The following USP6 variants were observed in gnomAD, a reference collection of about 807,000 sequenced individuals.
The protein encoded by USP6 is ubiquitin carboxyl-terminal hydrolase 6.
USP6 carries 128 observed loss-of-function variants against 175.7 expected under a neutral mutation model. The ratio of observed to expected loss-of-function variants is 0.73; its 90% CI spans 0.63 to 0.84. USP6 has a LOEUF of 0.84. USP6 is among the 40% of genes least tolerant of loss of function. The pLI is 0.00. For missense variants in USP6, 1,498 were observed against 1,760.3 expected (o/e 0.85, Z 2.67); for synonymous variants, 562 against 630.6 (o/e 0.89, Z 1.63).
intron 31 of USP6, among the ~76,000 whole-genome samples, chr17:5,159,409 G>T (rs1157539527): frequency 6.6e-6 from 1 of 152,180 alleles, no homozygotes; most frequent in African/African-American, 2.4e-5. Context: ...TGTATTAATT[G>T]CATTGATGCT....
rs375556680 is a variant in USP6 at position 5,156,579 on chromosome 17, T to G, written c.2828+973T>G. Among the ~76,000 whole-genome samples the G allele has an allele frequency of 5.8e-3, 888 of 152,288 alleles. 10 individuals carry two copies. The highest frequency in any genetic ancestry group is 0.02 in the African/African-American group (828 of 41,556). The stretch of plus-strand genomic sequence containing the variant: ...CCTCAGCCTCCCAAAGTGCGGGGAT[T>G]ACAGGCGTGAGCCACCTCACCCAGC... On this transcript the variant is annotated intron_variant, in intron 31 of 37. Transcript: ENST00000574788.
chr17:5,159,411 A>T (rs1370192403), intron 31 of USP6, among the ~76,000 whole-genome samples: 1 of 152,216 alleles, frequency 6.6e-6, no homozygotes, highest in Non-Finnish European at 1.5e-5. Flanking sequence ...TATTAATTGC[A>T]TTGATGCTGA....
chr17:5,135,778 G>A (rs763444516), intron 16 of USP6, 30 bp from the exon 17 acceptor site: 1 of 1,597,450 alleles, frequency 6.3e-7, no homozygotes, highest in Non-Finnish European at 8.5e-7. Flanking sequence ...CCCAGGTGAT[G>A]TCCTTCCATG....
Position 5,161,633 on chromosome 17 carries a change from G to C in USP6, c.2915+19G>C. 1 of 1,610,550 alleles carries C rather than the reference G, an allele frequency of 6.2e-7. No individual in the cohort carries two copies. The highest frequency in any genetic ancestry group is 8.5e-7 in the Non-Finnish European group (1 of 1,177,318). ...AGTATAGGTAAAGTGACCTGCAAAA[G>C]AATTACTTTAGTAGAATTTCAGCTT... On this transcript the variant is annotated intron_variant, in intron 32 of 37. Transcript: ENST00000574788.
chr17:5,136,547 T>G, intron 17 of USP6, 93 bp from the exon 18 acceptor site: 1 of 1,488,368 alleles, frequency 6.7e-7, no homozygotes, highest in Non-Finnish European at 9.3e-7. Flanking sequence ...GCCTTGGGGT[T>G]TGGGGGCCTC....
chr17:5,147,056 C>A (rs778270227), intron 28 of USP6, 27 bp from the exon 29 acceptor site: 9 of 1,588,732 alleles, frequency 5.7e-6, no homozygotes, highest in African/African-American at 2.7e-5. Context: ...ACATCTCCCC[C>A]TTCTCATCTT....
intron 30 of USP6, among the ~76,000 whole-genome samples, chr17:5,151,579 ATC>A (rs1445744826): frequency 2.0e-5 from 3 of 152,210 alleles, no homozygotes; most frequent in African/African-American, 7.2e-5. Flanking sequence ...ATTGGATATC[ATC>A]CAGATATCAA....
rs2074262251 is a variant in USP6 at position 5,173,077 on chromosome 17, G to A, written c.*99G>A. 1 of 1,429,428 alleles carries A rather than the reference G, an allele frequency of 7.0e-7. No individual in the cohort carries two copies. 88.5% of individuals were successfully genotyped at this position (1,429,428 alleles called of 1,614,324 possible). On this transcript the variant is annotated 3_prime_UTR_variant, in exon 38 of 38. Transcript: ENST00000574788. ...GTCACTGAAAGACAAGCTAAATGTA[G>A]TTATTTTATCCTGTTAGAACAAAAA... is the stretch of plus-strand genomic sequence containing the variant.
chr17:5,117,341 C>T (rs1403215760), intron 1 of USP6, among the ~76,000 whole-genome samples: 1 of 151,956 alleles, frequency 6.6e-6, no homozygotes, highest in Non-Finnish European at 1.5e-5. Context: ...CATGGTGAAA[C>T]CCCCTCTCTA....
At chr17:5,120,493 AG>A in intron 2 of USP6, 133 bp from the exon 3 acceptor site, 1 of 320,142 alleles carries the variant, frequency 3.1e-6, no homozygotes, top group Non-Finnish European at 6.1e-6. Flanking sequence ...CAGGGTGAGG[AG>A]CTGTTGGCCT....
chr17:5,169,196 T>C (rs2074160545), intron 35 of USP6, 141 bp downstream of exon 35: 4 of 1,041,942 alleles, frequency 3.8e-6, no homozygotes, highest in Non-Finnish European at 4.0e-6. Context: ...ATTTGAGCTA[T>C]GTAAGTTGTA....
intron 32 of USP6, among the ~76,000 whole-genome samples, chr17:5,161,878 G>A (rs2074011276): frequency 6.6e-6 from 1 of 152,106 alleles, no homozygotes; most frequent in Admixed American, 6.5e-5. Flanking sequence ...GGGGCATGGT[G>A]GTGTGTGCCT....
intron 5 of USP6, among the ~76,000 whole-genome samples, chr17:5,125,552 CTT>C (rs2072858166): frequency 6.6e-6 from 1 of 152,124 alleles, no homozygotes; most frequent in Non-Finnish European, 1.5e-5. Context: ...AAAACACTCT[CTT>C]GCTGTGGTCC....
chr17:5,169,250 A>G (rs1308047653), intron 35 of USP6, among the ~76,000 whole-genome samples, 195 bp downstream of exon 35: 1 of 152,192 alleles, frequency 6.6e-6, no homozygotes, highest in Non-Finnish European at 1.5e-5. Context: ...CATCTGTAAA[A>G]TGGAGATAAT....
In USP6 at chr17:5,116,465, G is replaced by T. The variant is rs1002216981; in HGVS notation, c.-2203G>T. On this transcript the variant is annotated 5_prime_UTR_variant, in exon 1 of 38. Coordinates refer to ENST00000574788, the MANE Select transcript of USP6 (RefSeq NM_001304284.2). ...CGCCGTCTCGTGTGGTGTCTGAGGG[G>T]CGTCTACCTGGAGTCACTGAGCCGA... 1.3e-5 allele frequency: 2 copies of T among 152,346 alleles called. No homozygotes were observed. The highest frequency in any genetic ancestry group is 2.9e-5 in the Non-Finnish European group (2 of 68,110). 9.4% of individuals were successfully genotyped at this position (152,346 alleles called of 1,614,324 possible).
chr17:5,170,405 C>T, intron 35 of USP6, 74 bp from the exon 36 acceptor site: 9 of 1,537,370 alleles, frequency 5.9e-6, no homozygotes, highest in African/African-American at 2.7e-5. Flanking sequence ...AAGCTAACCT[C>T]GGAGTTAGCA....
chr17:5,154,446 G>A (rs1219583794), intron 30 of USP6, among the ~76,000 whole-genome samples: 1 of 152,090 alleles, frequency 6.6e-6, no homozygotes, highest in Non-Finnish European at 1.5e-5. Flanking sequence ...ATAATTCTGT[G>A]CAGTATCTCT....
rs2074283792 is a variant in USP6, at chr17:5,174,381, C to T, written c.*1403C>T. The T allele has an allele frequency of 5.2e-6, 1 of 190,486 alleles. No individual in the cohort carries two copies. Among genetic ancestry groups the T allele is most frequent in the South Asian group, 1.9e-4 (1 of 5,138 alleles). The allele number at this position is 190,486 out of a possible 1,614,324, so 11.8% of individuals were successfully genotyped here. A position where few individuals can be genotyped will look rare whatever the true frequency, so the allele number is the denominator to read the frequency against. On this transcript the variant is annotated 3_prime_UTR_variant, in exon 38 of 38. Coordinates refer to ENST00000574788, the MANE Select transcript of USP6 (RefSeq NM_001304284.2). ...CTTTCTTCCTCATAGGTAGTAATTA[C>T]CAATGTAACTAAGCATTTGTGTTCT...
chr17:5,135,133 A>G, intron 15 of USP6, 101 bp from the exon 16 acceptor site: 1 of 1,345,034 alleles, frequency 7.4e-7, no homozygotes, highest in South Asian at 1.2e-5. Flanking sequence ...TATCTGGTGA[A>G]TCATCTGAAC....
Sources: gnomAD v4.1 joint callset for allele counts (sites outside exome capture counted in the v4.1 genomes callset) on GRCh38, gnomAD v4.1.1 for gene constraint, MANE v1.5 for transcripts, NCBI Gene and HGNC (gene_info 2026-07-23, HGNC 2026-07-21) for gene names.